The following MICU1 variants were observed in gnomAD, a reference collection of about 807,000 sequenced individuals.
MICU1 encodes the protein calcium uptake protein 1, mitochondrial.
A neutral mutation model predicts 56.8 loss-of-function variants in MICU1; 45 were observed. The ratio of observed to expected loss-of-function variants is 0.79; its 90% CI spans 0.62 to 1.02. The LOEUF is 1.02. Among genes scored for constraint, MICU1 ranks in the 50% least tolerant of loss-of-function variants. MICU1 has a pLI of 0.00. For synonymous variants in MICU1, 186 were observed against 195.1 expected, an observed-to-expected ratio of 0.95 and a Z score of 0.39; for missense variants, 504 against 587.1, an observed-to-expected ratio of 0.86 and a Z score of 1.46.
chr10:72,494,842 T>TAA lies in MICU1; in HGVS notation c.652+13311_652+13312dup, dbSNP rs758537983. On this transcript the variant is annotated intron_variant, in intron 6 of 11. Transcript: ENST00000361114. ...AAAAAATACACTTCAGCCCTGATTC[T>TAA]AAAAAAAAAAAAAACAAAACAAAAA... Among the ~76,000 whole-genome samples the TAA allele has an allele frequency of 5.4e-3, 779 of 144,894 alleles. 8 individuals are homozygous for TAA. The highest frequency in any genetic ancestry group is 0.018 in the African/African-American group (699 of 38,446).
chr10:72,400,814 T>C (rs1379702699), intron 10 of MICU1, among the ~76,000 whole-genome samples: 2 of 152,084 alleles, frequency 1.3e-5, no homozygotes, highest in African/African-American at 4.8e-5. Flanking sequence ...AACTTTGTTT[T>C]GTGAAAGAGC....
At chr10:72,482,109 G>A (rs1866317851) in intron 6 of MICU1, among the ~76,000 whole-genome samples, 1 of 152,098 alleles carries the variant, frequency 6.6e-6, no homozygotes, top group South Asian at 2.1e-4. Flanking sequence ...ATAAACACTA[G>A]CTGTCCTGAG....
chr10:72,559,606 G>C (rs142326665), intron 3 of MICU1, among the ~76,000 whole-genome samples: 340 of 152,206 alleles, frequency 2.2e-3, no homozygotes, highest in African/African-American at 8.0e-3. Flanking sequence ...TGGGAGGATT[G>C]CTTGAGCTCA....
chr10:72,479,667 A>G (rs1184264676), intron 6 of MICU1, among the ~76,000 whole-genome samples: 3 of 152,158 alleles, frequency 2.0e-5, no homozygotes, highest in Admixed American at 2.0e-4. Flanking sequence ...CTAGGACTAC[A>G]GGTGCGTGCC....
At chr10:72,477,285 A>G in intron 6 of MICU1, 29 bp from the exon 7 acceptor site, 13 of 1,491,614 alleles carry the variant, frequency 8.7e-6, no homozygotes, top group Non-Finnish European at 1.2e-5. Context: ...AAATATTTAG[A>G]AGGCATTGAC....
At chr10:72,458,736 G>T (rs1304143222) in intron 8 of MICU1, among the ~76,000 whole-genome samples, 1 of 149,236 alleles carries the variant, frequency 6.7e-6, no homozygotes, top group Non-Finnish European at 1.5e-5. Flanking sequence ...TAAATACAGG[G>T]TCTCACTCTG....
At chr10:72,496,124 A>G (rs1866833376) in intron 6 of MICU1, among the ~76,000 whole-genome samples, 1 of 151,590 alleles carries the variant, frequency 6.6e-6, no homozygotes, top group Non-Finnish European at 1.5e-5. Context: ...ACAACACCAC[A>G]CCAGGCTTAT....
chr10:72,430,971 C>T (rs996867211), intron 8 of MICU1, among the ~76,000 whole-genome samples: 5 of 152,018 alleles, frequency 3.3e-5, no homozygotes, highest in Non-Finnish European at 7.4e-5. Context: ...TATTCTTTTG[C>T]AATTTGTTTT....
intron 8 of MICU1, among the ~76,000 whole-genome samples, chr10:72,466,983 T>A (rs1230431699): frequency 6.6e-6 from 1 of 151,118 alleles, no homozygotes; most frequent in African/African-American, 2.4e-5. Context: ...ATACCTTCAT[T>A]TTTTTTTTTC....
At chr10:72,391,144 TAAG>T (rs138854684) in intron 10 of MICU1, among the ~76,000 whole-genome samples, 66,782 of 151,928 alleles carry the variant, frequency 0.44, 18,608 homozygotes, top group Non-Finnish European at 0.64. Context: ...CAAAAATATT[TAAG>T]AAAATGTCGG....
At chr10:72,536,591 T>C (rs902287676) in intron 4 of MICU1, among the ~76,000 whole-genome samples, 1 of 151,996 alleles carries the variant, frequency 6.6e-6, no homozygotes. Context: ...GACCTCATGA[T>C]CCGCCCGCCT....
At chr10:72,453,892 G>A (rs1564878750) in intron 8 of MICU1, among the ~76,000 whole-genome samples, 3 of 151,778 alleles carry the variant, frequency 2.0e-5, no homozygotes, top group Non-Finnish European at 4.4e-5. Flanking sequence ...CTGGAGTGCA[G>A]TGGCGTGATC....
chr10:72,605,770 G>A (rs1239183755), intron 1 of MICU1, among the ~76,000 whole-genome samples: 1 of 152,162 alleles, frequency 6.6e-6, no homozygotes, highest in African/African-American at 2.4e-5. Flanking sequence ...TGTGGATTTT[G>A]GTATCCGAGG....
intron 1 of MICU1, among the ~76,000 whole-genome samples, chr10:72,607,409 G>A (rs987516609): frequency 6.6e-6 from 1 of 150,992 alleles, no homozygotes; most frequent in Non-Finnish European, 1.5e-5. Context: ...GGGAGGCTGA[G>A]GCAGGTGGAT....
chr10:72,574,516 T>C (rs1840693555), intron 1 of MICU1, among the ~76,000 whole-genome samples: 1 of 151,854 alleles, frequency 6.6e-6, no homozygotes, highest in Non-Finnish European at 1.5e-5. Flanking sequence ...TGAAACTCCA[T>C]CTCAAAAAAA....
chr10:72,551,617 T>C (rs1021115125), intron 3 of MICU1, among the ~76,000 whole-genome samples: 3 of 152,212 alleles, frequency 2.0e-5, no homozygotes, highest in Non-Finnish European at 4.4e-5. Flanking sequence ...TGAAGAATTT[T>C]CTAATGTTTT....
chr10:72,526,526 CCTCAAGTGAT>C (rs1206581747), intron 5 of MICU1, among the ~76,000 whole-genome samples: 1 of 152,058 alleles, frequency 6.6e-6, no homozygotes, highest in Non-Finnish European at 1.5e-5. Flanking sequence ...GAACTCCTGA[CCTCAAGTGAT>C]CTGCCTGCCT....
intron 6 of MICU1, among the ~76,000 whole-genome samples, chr10:72,505,260 T>G (rs908597590): frequency 2.3e-4 from 35 of 152,142 alleles, no homozygotes; most frequent in African/African-American, 8.2e-4. Flanking sequence ...ATTATAGGCA[T>G]GAGCTACCAT....
intron 9 of MICU1, among the ~76,000 whole-genome samples, chr10:72,414,763 T>A (rs1316681125): frequency 2.0e-5 from 3 of 152,144 alleles, no homozygotes; most frequent in Non-Finnish European, 2.9e-5. Context: ...ACAAGGAAAA[T>A]GTAGCTTCCT....
Sources: allele counts gnomAD v4.1 joint callset (sites outside exome capture counted in the v4.1 genomes callset), GRCh38; gene constraint gnomAD v4.1.1; transcripts MANE v1.5; gene names NCBI Gene and HGNC (gene_info 2026-07-23, HGNC 2026-07-21).